The following SH3KBP1 variants were observed in gnomAD, a reference collection of about 807,000 sequenced individuals.
SH3KBP1 encodes SH3 domain-containing kinase-binding protein 1.
In SH3KBP1, 8 loss-of-function variants were observed where a neutral mutation model predicts 50.1. That is an observed-to-expected ratio of 0.16 (90% CI 0.09 to 0.29). SH3KBP1 has a LOEUF of 0.29. SH3KBP1 is among the 10% of genes least tolerant of loss of function. The pLI, the probability that SH3KBP1 is intolerant of heterozygous loss-of-function variation, is 1.00. For missense variants in SH3KBP1, 377 were observed against 535.2 expected (o/e 0.70, Z 2.92); for synonymous variants, 227 against 218.6 (o/e 1.04, Z -0.34).
chrX:19,563,033 T>C (rs1193112848), intron 13 of SH3KBP1, among the ~76,000 whole-genome samples: 1 of 112,128 alleles, frequency 8.9e-6, no homozygotes, highest in African/African-American at 3.2e-5. Flanking sequence ...GCACTTTCAA[T>C]GTTTACTGAG....
At chrX:19,644,213 G>A (rs1042131753) in intron 7 of SH3KBP1, among the ~76,000 whole-genome samples, 1 of 111,726 alleles carries the variant, frequency 9.0e-6, no homozygotes, top group Non-Finnish European at 1.9e-5. Flanking sequence ...CCAGAGGCTG[G>A]GAAGGGTAGT....
At chrX:19,769,957 A>G (rs2065738681) in intron 2 of SH3KBP1, among the ~76,000 whole-genome samples, 1 of 111,795 alleles carries the variant, frequency 8.9e-6, no homozygotes. Flanking sequence ...CAGTATAACC[A>G]AGGGTTCTCA....
At chrX:19,584,398 C>G (rs927605218) in intron 12 of SH3KBP1, among the ~76,000 whole-genome samples, 1 of 105,799 alleles carries the variant, frequency 9.5e-6, no homozygotes, top group African/African-American at 3.5e-5. Flanking sequence ...GGCACCATCA[C>G]AGTTCACTGC....
At chrX:19,856,926 C>A (rs1315811764) in intron 1 of SH3KBP1, among the ~76,000 whole-genome samples, 1 of 50,531 alleles carries the variant, frequency 2.0e-5, no homozygotes, top group Non-Finnish European at 4.0e-5. Flanking sequence ...TCACTAGTTT[C>A]TTTTCCCCTA....
chrX:19,679,321 A>C (rs1380668802), intron 6 of SH3KBP1, among the ~76,000 whole-genome samples: 1 of 112,074 alleles, frequency 8.9e-6, no homozygotes, highest in African/African-American at 3.2e-5. Flanking sequence ...TTTAGTGAGC[A>C]CTCAATACAT....
intron 2 of SH3KBP1, among the ~76,000 whole-genome samples, chrX:19,790,832 A>G (rs1480170362): frequency 9.0e-6 from 1 of 110,970 alleles, no homozygotes; most frequent in African/African-American, 3.3e-5. Flanking sequence ...TATTTCAGAG[A>G]CCCACTGATA....
intron 1 of SH3KBP1, among the ~76,000 whole-genome samples, chrX:19,853,680 C>T (rs959317272): frequency 9.0e-6 from 1 of 111,687 alleles, no homozygotes; most frequent in African/African-American, 3.3e-5. Flanking sequence ...AGTCCCTTCT[C>T]GCCCAGATGC....
intron 3 of SH3KBP1, among the ~76,000 whole-genome samples, chrX:19,708,292 A>G (rs1443716080): frequency 8.9e-6 from 1 of 112,744 alleles, no homozygotes; most frequent in Non-Finnish European, 1.9e-5. Flanking sequence ...AGAGTTGAAT[A>G]GAAGGAAGAG....
At chrX:19,643,326 T>A (rs916200047) in intron 7 of SH3KBP1, among the ~76,000 whole-genome samples, 15 of 90,559 alleles carry the variant, frequency 1.7e-4, no homozygotes, top group East Asian at 1.2e-3. Context: ...TTTTTTATTT[T>A]TTTTTTTTTT....
rs1340118076 is a variant in SH3KBP1, at chrX:19,746,372, G to A, written c.232C>T (p.Pro78Ser). Residue 78 changes from proline (P) to serine (S), a missense_variant, in exon 3 of 18, where the codon CCC becomes TCC. Around this residue, in one of 3 missense-constraint regions of SH3KBP1, gnomAD observed 257 missense variants for 374.2 expected, o/e 0.69. Coordinates refer to ENST00000397821, the MANE Select transcript of SH3KBP1 (RefSeq NM_031892.3). ...KAPEKPLHEV[P>S]SGNSLLSSET... Reference sequence around the variant, plus strand: ...GAAGACAGCAAAGAGTTTCCACTGGGCACTTCGTGCAGGGGCTTTTCTGGA... The same window carrying A: ...GAAGACAGCAAAGAGTTTCCACTGGACACTTCGTGCAGGGGCTTTTCTGGA... 1 of 1,205,932 alleles carries A rather than the reference G, an allele frequency of 8.3e-7. No individual in the cohort carries two copies. Among genetic ancestry groups the A allele is most frequent in the Non-Finnish European group, 1.1e-6 (1 of 891,861 alleles).
intron 6 of SH3KBP1, among the ~76,000 whole-genome samples, chrX:19,653,880 T>G (rs1333382911): frequency 1.8e-5 from 2 of 109,282 alleles, no homozygotes; most frequent in Admixed American, 2.0e-4. Flanking sequence ...TACTTCTGAT[T>G]GCTGCTGCAA....
At chrX:19,840,846 A>C (rs1405431770) in intron 1 of SH3KBP1, among the ~76,000 whole-genome samples, 1 of 112,058 alleles carries the variant, frequency 8.9e-6, no homozygotes, top group Non-Finnish European at 1.9e-5. Flanking sequence ...AAAACTTAAG[A>C]ACATCTCCCT....
At chrX:19,731,351 C>T (rs111966059) in intron 3 of SH3KBP1, among the ~76,000 whole-genome samples, 1 of 112,245 alleles carries the variant, frequency 8.9e-6, no homozygotes, top group African/African-American at 3.2e-5. Context: ...CACTCGCCAT[C>T]GCATGTTACA....
intron 2 of SH3KBP1, among the ~76,000 whole-genome samples, chrX:19,820,315 C>T (rs2067489103): frequency 8.9e-6 from 1 of 111,753 alleles, no homozygotes; most frequent in African/African-American, 3.3e-5. Flanking sequence ...TGCTAAGTTG[C>T]CAACTATAAC....
intron 2 of SH3KBP1, among the ~76,000 whole-genome samples, chrX:19,797,946 C>T (rs1197083512): frequency 9.1e-6 from 1 of 109,578 alleles, no homozygotes; most frequent in Non-Finnish European, 1.9e-5. Context: ...GGGGCTTGAC[C>T]GACGTGCATG....
chrX:19,588,439 C>G (rs1249300630), intron 12 of SH3KBP1: 1 of 1,159,912 alleles, frequency 8.6e-7, no homozygotes, highest in South Asian at 1.9e-5. Flanking sequence ...ACCCCTCAAC[C>G]TCACACTCAC....
intron 13 of SH3KBP1, 91 bp from the exon 14 acceptor site, chrX:19,550,174 C>T (rs981142973): frequency 1.7e-6 from 1 of 582,628 alleles, no homozygotes; most frequent in East Asian, 3.4e-5. Context: ...CAATAATAAT[C>T]CTTTCTGTCT....
Position 19,587,171 on chromosome X carries a change from G to C in SH3KBP1, c.1298+1472C>G, listed in dbSNP as rs758445917. Among the ~76,000 whole-genome samples, 4 of 104,018 alleles carry C rather than the reference G, an allele frequency of 3.8e-5. No individual in the cohort carries two copies. In the East Asian group the frequency reaches 1.2e-3, roughly 31 times the overall value. The allele number at this position is 104,018 out of a possible 115,157, so 90.3% of individuals were successfully genotyped here. A position where few individuals can be genotyped will look rare whatever the true frequency, so the allele number is the denominator to read the frequency against. ...CAGGAGGAGGAGGTTGCGGTGAGCCGAGATTGCGCCATTGCACTCCAGCCA... is the reference window on the plus strand; with the variant it reads ...CAGGAGGAGGAGGTTGCGGTGAGCCCAGATTGCGCCATTGCACTCCAGCCA... On this transcript the variant is annotated intron_variant, in intron 12 of 17. Transcript: ENST00000397821.
chrX:19,636,338 A>C (rs188958261), intron 7 of SH3KBP1, among the ~76,000 whole-genome samples: 8 of 110,159 alleles, frequency 7.3e-5, no homozygotes, highest in Non-Finnish European at 1.3e-4. Flanking sequence ...TTCCAGAAAA[A>C]AAAAAACACA....
Sources: gnomAD v4.1 joint callset for allele counts (sites outside exome capture counted in the v4.1 genomes callset) on GRCh38, gnomAD v4.1.1 for gene constraint, gnomAD v4.1.1 regional missense constraint, MANE v1.5 for transcripts, NCBI Gene and HGNC (gene_info 2026-07-23, HGNC 2026-07-21) for gene names.